The following FHIT variants were observed in gnomAD, a reference collection of about 807,000 sequenced individuals.
FHIT encodes fragile histidine triad diadenosine triphosphatase.
FHIT carries 19 observed loss-of-function variants against 17.9 expected under a neutral mutation model. That is an observed-to-expected ratio of 1.06 (90% CI 0.74 to 1.56). FHIT has a LOEUF of 1.56. FHIT is among the 40% of genes most tolerant of loss of function. The pLI, the probability that FHIT is intolerant of heterozygous loss-of-function variation, is 0.00. For missense variants in FHIT, 248 were observed against 189.2 expected, an observed-to-expected ratio of 1.31 and a Z score of -1.82; for synonymous variants, 81 against 69.7, an observed-to-expected ratio of 1.16 and a Z score of -0.81.
At chr3:60,864,781 C>CCA (rs1704084800) in intron 3 of FHIT, among the ~76,000 whole-genome samples, 1 of 152,092 alleles carries the variant, frequency 6.6e-6, no homozygotes, top group African/African-American at 2.4e-5. Flanking sequence ...TATTAGTGGA[C>CCA]ACTCTTAGGA....
chr3:61,131,989 A>G (rs907829337), intron 2 of FHIT, among the ~76,000 whole-genome samples: 7 of 152,236 alleles, frequency 4.6e-5, no homozygotes, highest in Non-Finnish European at 1.0e-4. Flanking sequence ...ACTGGGTTTC[A>G]TTGTAAGAAA....
intron 5 of FHIT, among the ~76,000 whole-genome samples, chr3:60,439,157 A>G (rs1325540498): frequency 5.3e-5 from 8 of 152,100 alleles, no homozygotes; most frequent in Non-Finnish European, 7.4e-5. Flanking sequence ...TTTTTACTCC[A>G]CTTTGAAGGA....
At chr3:59,770,149 C>T (rs567938935) in intron 8 of FHIT, among the ~76,000 whole-genome samples, 1 of 152,302 alleles carries the variant, frequency 6.6e-6, no homozygotes, top group East Asian at 1.9e-4. Context: ...TAATAAGGCT[C>T]AATTCACCTA....
intron 5 of FHIT, among the ~76,000 whole-genome samples, chr3:60,471,088 A>G (rs1380515161): frequency 6.6e-6 from 1 of 152,176 alleles, no homozygotes; most frequent in Admixed American, 6.5e-5. Flanking sequence ...CTAGTATCCA[A>G]GTTGCAAAAC....
chr3:60,387,189 CAATGTCAGCTAGGCTGGTCTGGA>C (rs1416151051), intron 5 of FHIT, among the ~76,000 whole-genome samples: 2 of 152,064 alleles, frequency 1.3e-5, no homozygotes, highest in East Asian at 3.9e-4. Flanking sequence ...CAGGGTTTCA[CAATGTCAGCTAGGCTGGTCTGGA>C]ACTCCCGACC....
At position 60,357,842 on chromosome 3, in the gene FHIT, CTTG is replaced by C. The variant is rs575335250; in HGVS notation, c.103+179015_103+179017del. Among the ~76,000 whole-genome samples, 99 of 152,250 alleles carry C rather than the reference CTTG, an allele frequency of 6.5e-4. 1 individual carries two copies. Among genetic ancestry groups the C allele is most frequent in the Non-Finnish European group, 7.8e-4 (53 of 68,022 alleles). ...CATCATAGTCTTTGCATAAGACTAC[CTTG>C]TTGTTCAAGAATGGTTTTAGCATTC... On this transcript the variant is annotated intron_variant, in intron 5 of 9. Transcript: ENST00000492590.
Position 60,097,572 on chromosome 3 carries a change from C to T in FHIT, c.104-83420G>A, listed in dbSNP as rs545810565. ...AACCCCTCCTCTTCCTCCTCCTTTA[C>T]AGCCTACTTAATGTGAAGACGATAA... On this transcript the variant is annotated intron_variant, in intron 5 of 9. Transcript: ENST00000492590. Among the ~76,000 whole-genome samples, 52 of 152,288 alleles carry T rather than the reference C, an allele frequency of 3.4e-4. No homozygotes were observed. In the East Asian group the frequency reaches 9.8e-3, roughly 29 times the overall value.
chr3:60,801,122 A>G (rs1262868957), intron 4 of FHIT, among the ~76,000 whole-genome samples: 1 of 152,178 alleles, frequency 6.6e-6, no homozygotes, highest in Non-Finnish European at 1.5e-5. Context: ...GAAAACTTAC[A>G]TGCTTCAGAT....
chr3:60,750,818 C>G (rs1203512728), intron 4 of FHIT, among the ~76,000 whole-genome samples: 1 of 152,180 alleles, frequency 6.6e-6, no homozygotes, highest in Non-Finnish European at 1.5e-5. Flanking sequence ...GCTTATTCCT[C>G]TTATTCCGGA....
intron 4 of FHIT, among the ~76,000 whole-genome samples, chr3:60,579,220 C>G (rs1480699425): frequency 6.6e-6 from 1 of 152,138 alleles, no homozygotes; most frequent in Non-Finnish European, 1.5e-5. Context: ...GCCCACTATA[C>G]ACATAGGCTA....
At chr3:60,367,934 A>G (rs1037343500) in intron 5 of FHIT, among the ~76,000 whole-genome samples, 9 of 152,150 alleles carry the variant, frequency 5.9e-5, no homozygotes, top group African/African-American at 2.2e-4. Context: ...ACTTCTTTCA[A>G]CTATTTAGAG....
chr3:60,466,330 C>G (rs2032790457), intron 5 of FHIT, among the ~76,000 whole-genome samples: 1 of 152,008 alleles, frequency 6.6e-6, no homozygotes, highest in Non-Finnish European at 1.5e-5. Flanking sequence ...CATCTGCAAA[C>G]AAGGATAATT....
chr3:59,954,239 T>TTC (rs1247708072), intron 7 of FHIT, among the ~76,000 whole-genome samples: 2 of 150,938 alleles, frequency 1.3e-5, no homozygotes, highest in African/African-American at 2.4e-5. Context: ...TTCTTTTTTT[T>TTC]CCAAATGTGT....
chr3:60,745,846 C>T (rs187945182), intron 4 of FHIT, among the ~76,000 whole-genome samples: 61 of 152,234 alleles, frequency 4.0e-4, no homozygotes, highest in African/African-American at 1.2e-3. Context: ...AGGATCTGAA[C>T]GCATCTGTAC....
intron 8 of FHIT, among the ~76,000 whole-genome samples, chr3:59,910,017 A>G (rs552677293): frequency 6.6e-6 from 1 of 152,262 alleles, no homozygotes; most frequent in East Asian, 1.9e-4. Context: ...ATTATATCCC[A>G]ATGTATTTTT....
intron 5 of FHIT, among the ~76,000 whole-genome samples, chr3:60,070,955 C>T (rs1297530117): frequency 6.6e-6 from 1 of 152,352 alleles, no homozygotes. Flanking sequence ...GACATGAAGA[C>T]TAGTTTATGG....
Position 59,785,571 on chromosome 3 carries a change from G to T in FHIT, c.349-33250C>A, listed in dbSNP as rs149899507. Among the ~76,000 whole-genome samples, 672 of 152,176 alleles carry T rather than the reference G, an allele frequency of 4.4e-3. 6 individuals carry two copies. Among genetic ancestry groups the T allele is most frequent in the African/African-American group, 0.015 (619 of 41,514 alleles). ...TGACCTCAAGTGATCCGCCCACCTT[G>T]GCCTCCCAAAGTGCTGGGATTACAG... On this transcript the variant is annotated intron_variant, in intron 8 of 9. Coordinates refer to ENST00000492590, the MANE Select transcript of FHIT (RefSeq NM_002012.4).
At chr3:61,030,124 C>T (rs1274782733) in intron 3 of FHIT, among the ~76,000 whole-genome samples, 3 of 152,176 alleles carry the variant, frequency 2.0e-5, no homozygotes, top group African/African-American at 2.4e-5. Context: ...CATGTACCAC[C>T]ACGCCTGGCT....
chr3:59,930,214 G>T (rs948155231), intron 7 of FHIT, among the ~76,000 whole-genome samples: 1 of 152,128 alleles, frequency 6.6e-6, no homozygotes, highest in African/African-American at 2.4e-5. Flanking sequence ...CTCCCACCTG[G>T]AGAGTGAGAA....
Sources: gnomAD v4.1 joint callset for allele counts (sites outside exome capture counted in the v4.1 genomes callset) on GRCh38, gnomAD v4.1.1 for gene constraint, MANE v1.5 for transcripts, NCBI Gene and HGNC (gene_info 2026-07-23, HGNC 2026-07-21) for gene names.